Variants in ADGRG1 observed in about 807,000 individuals in gnomAD.
The protein encoded by ADGRG1 is 7-transmembrane protein with no EGF-like N-terminal domains-1.
ADGRG1 carries 53 observed loss-of-function variants against 73.5 expected under a neutral mutation model. The ratio of observed to expected loss-of-function variants is 0.72; its 90% CI spans 0.58 to 0.91. ADGRG1 has a LOEUF of 0.91. ADGRG1 is among the 40% of genes least tolerant of loss of function. The pLI, the probability that ADGRG1 is intolerant of heterozygous loss-of-function variation, is 0.00. For synonymous variants in ADGRG1, 394 were observed against 374.4 expected, an observed-to-expected ratio of 1.05 and a Z score of -0.60; for missense variants, 795 against 871.8, an observed-to-expected ratio of 0.91 and a Z score of 1.11.
In ADGRG1 at chr16:57,659,585, A is replaced by T. The variant is rs1459264714; in HGVS notation, c.1459A>T (p.Met487Leu). 1 of 1,613,950 alleles carries T rather than the reference A, an allele frequency of 6.2e-7. No homozygotes were observed. Among genetic ancestry groups the T allele is most frequent in the South Asian group, 1.1e-5 (1 of 91,080 alleles). ...CTCCCTGCTCACCTGCCTTTCCTGG[A>T]TGGGCCTCGAGGGGTACAACCTCTA... ...HFSLLTCLSWMGLEGYNLYRL... is the reference protein window; with the variant it reads ...HFSLLTCLSWLGLEGYNLYRL... The change falls in exon 11 of 14, where the codon ATG becomes TTG. Residue 487 changes from methionine (M) to leucine (L), a missense_variant. By Grantham distance (15) the Met-to-Leu change is conservative. Transcript: ENST00000562631.
At chr16:57,646,749 C>T (rs2042749820) in intron 1 of ADGRG1, 2 of 953,558 alleles carry the variant, frequency 2.1e-6, no homozygotes, top group Non-Finnish European at 2.5e-6. Context: ...CAGCCTTCCC[C>T]AGCCTCAGTG....
chr16:57,634,283 C>G (rs2038794277), intron 1 of ADGRG1: 8 of 985,402 alleles, frequency 8.1e-6, no homozygotes, highest in Non-Finnish European at 8.4e-6. Flanking sequence ...GACAACTGCC[C>G]AGACCCACCT....
intron 3 of ADGRG1, among the ~76,000 whole-genome samples, chr16:57,652,300 G>A (rs1467291703): frequency 2.0e-5 from 3 of 152,096 alleles, no homozygotes; most frequent in Non-Finnish European, 2.9e-5. Flanking sequence ...GCATCAGAAG[G>A]AGCTTGAAGG....
chr16:57,626,077 A>G (rs372705287), upstream of ADGRG1, among the ~76,000 whole-genome samples: 2 of 152,304 alleles, frequency 1.3e-5, no homozygotes, highest in South Asian at 2.1e-4. Context: ...TTGTGAGAAC[A>G]GAAGGAGAAG....
chr16:57,648,679 G>A lies in ADGRG1; in HGVS notation c.-35-1574G>A, dbSNP rs77189850. The A allele has an allele frequency of 2.0e-3, 1,924 of 984,364 alleles. 26 individuals carry two copies. The African/African-American group carries it at 0.026, about 13-fold the overall frequency. 61.0% of individuals were successfully genotyped at this position (984,364 alleles called of 1,614,324 possible). A position where few individuals can be genotyped will look rare whatever the true frequency, so the allele number is the denominator to read the frequency against. ...GGTTTCTCTTAAACTCAGACTCCACGTGTGTTCTCCGGCTTGTGGCCGATG... is the reference window on the plus strand; with the variant it reads ...GGTTTCTCTTAAACTCAGACTCCACATGTGTTCTCCGGCTTGTGGCCGATG... On this transcript the variant is annotated intron_variant, in intron 1 of 13. Transcript: ENST00000562631.
chr16:57,635,137 C>G, intron 1 of ADGRG1: 1 of 985,296 alleles, frequency 1.0e-6, no homozygotes, highest in Non-Finnish European at 1.2e-6. Flanking sequence ...CCCTTGCTCT[C>G]CCTTATCCAA....
rs763238723 is a variant in ADGRG1, at chr16:57,651,542, T to A, written c.407T>A (p.Leu136Ter). The change falls in exon 3 of 14, where the codon TTA becomes TAA. Residue 136 changes from leucine to a stop codon, truncating the protein, a stop_gained. Transcript: ENST00000562631. LOFTEE classifies it high-confidence loss of function. ...EESLAQGPPL[L>*]ATSVTSWWSP... ...AGCCTGGCTCAGGGCCCCCCGCTGTTAGCCACTTCTGTCACCTCCTGGTGG... is the reference window on the plus strand; with the variant it reads ...AGCCTGGCTCAGGGCCCCCCGCTGTAAGCCACTTCTGTCACCTCCTGGTGG... 1 of 1,614,214 alleles carries A rather than the reference T, an allele frequency of 6.2e-7. No homozygotes were observed. The highest frequency in any genetic ancestry group is 1.7e-5 in the Admixed American group (1 of 60,032).
chr16:57,652,047 T>G (rs2044232123), intron 3 of ADGRG1: 4 of 1,071,694 alleles, frequency 3.7e-6, no homozygotes, highest in South Asian at 5.8e-5. Flanking sequence ...AGGAGGAAAC[T>G]GGGGCACAGA....
intron 10 of ADGRG1, chr16:57,659,188 C>A: frequency 5.1e-6 from 5 of 985,400 alleles, no homozygotes; most frequent in Non-Finnish European, 6.0e-6. Flanking sequence ...TTCTGTTAAA[C>A]GTGCACGTGG....
In ADGRG1 at chr16:57,660,758, C is replaced by T; in HGVS notation, c.1556-10C>T. The T allele has an allele frequency of 6.3e-7, 1 of 1,579,406 alleles. No individual in the cohort carries two copies. Among genetic ancestry groups the T allele is most frequent in the Non-Finnish European group, 8.7e-7 (1 of 1,149,784 alleles). On this transcript the variant is annotated splice_polypyrimidine_tract_variant and intron_variant, in intron 11 of 13. Transcript: ENST00000562631. ...GCGGGAAGTAGAGCAACATGCATTG[C>T]CACCCTCAGGCTTCCCCATCTTTCT... is the stretch of plus-strand genomic sequence containing the variant.
intron 1 of ADGRG1, chr16:57,636,655 C>T (rs2039449716): frequency 1.0e-6 from 1 of 985,208 alleles, no homozygotes; most frequent in Non-Finnish European, 1.2e-6. Flanking sequence ...TCAGGAATGG[C>T]TCCTTTTGGG....
At position 57,646,365 on chromosome 16, in the gene ADGRG1, G is replaced by T. The variant is rs571247968; in HGVS notation, c.-35-3888G>T. 7.7e-4 allele frequency: 761 copies of T among 982,622 alleles called. 1 individual carries two copies. Among genetic ancestry groups the T allele is most frequent in the Non-Finnish European group, 8.9e-4 (740 of 827,646 alleles). 60.9% of individuals were successfully genotyped at this position (982,622 alleles called of 1,614,324 possible). The stretch of plus-strand genomic sequence containing the variant: ...GGGTGGGGCGGGGGATGGGCTGGTG[G>T]TGGGGTGGGGGTCTCAGCTCAGACA... On this transcript the variant is annotated intron_variant, in intron 1 of 13. Coordinates refer to ENST00000562631, the MANE Select transcript of ADGRG1 (RefSeq NM_201525.4).
At chr16:57,647,260 G>C in intron 1 of ADGRG1, 1 of 985,364 alleles carries the variant, frequency 1.0e-6, no homozygotes, top group Non-Finnish European at 1.2e-6. Flanking sequence ...TTTCTGGGTG[G>C]GGTTTAACCT....
At chr16:57,650,732 G>A (rs1232692508) in intron 2 of ADGRG1, among the ~76,000 whole-genome samples, 8 of 119,460 alleles carry the variant, frequency 6.7e-5, no homozygotes, top group Admixed American at 4.6e-4. Context: ...TTTTTGAGAC[G>A]GAGTCTTGCT....
intron 4 of ADGRG1, 66 bp from the exon 5 acceptor site, chr16:57,653,920 T>C: frequency 1.9e-6 from 3 of 1,609,634 alleles, no homozygotes; most frequent in Non-Finnish European, 2.5e-6. Flanking sequence ...CTCGTCCTCC[T>C]GCCTCAGTCT....
At position 57,657,444 on chromosome 16, in the gene ADGRG1, C is replaced by G. The variant is rs376948797; in HGVS notation, c.1239C>G (p.Val413=). Residue 413 remains valine, a synonymous_variant, in exon 10 of 14, where the codon GTC becomes GTG. Transcript: ENST00000562631. Reference sequence around the variant, plus strand: ...TCCTCTCCTACGTGGGCTGTGTCGTCTCTGCCCTGGCCTGCCTTGTCACCA... The same window carrying G: ...TCCTCTCCTACGTGGGCTGTGTCGTGTCTGCCCTGGCCTGCCTTGTCACCA... ...LSLLSYVGCV[V]SALACLVTIA... 107 of 1,614,044 alleles carry G rather than the reference C, an allele frequency of 6.6e-5. No homozygotes were observed. The South Asian group carries it at 7.4e-4, about 11-fold the overall frequency.
chr16:57,650,960 A>G (rs1006833197), intron 2 of ADGRG1: 28 of 498,980 alleles, frequency 5.6e-5, no homozygotes, highest in African/African-American at 1.9e-4. Flanking sequence ...CGCCCGCCTC[A>G]GCCTCCCAAA....
chr16:57,633,012 TC>T, intron 1 of ADGRG1: 1 of 919,858 alleles, frequency 1.1e-6, no homozygotes, highest in Non-Finnish European at 1.3e-6. Context: ...TCCCCTCCCG[TC>T]CCCAGGTCTC....
upstream of ADGRG1, chr16:57,624,004 T>C (rs1374693278): frequency 1.5e-5 from 4 of 265,392 alleles, no homozygotes; most frequent in Admixed American, 6.5e-5. Context: ...GAGGAGGTAG[T>C]AGATGTGAAA....
Sources: allele counts gnomAD v4.1 joint callset (sites outside exome capture counted in the v4.1 genomes callset), GRCh38; gene constraint gnomAD v4.1.1; transcripts MANE v1.5; gene names NCBI Gene and HGNC (gene_info 2026-07-23, HGNC 2026-07-21).